Variants in EYS observed in about 807,000 individuals in gnomAD.
EYS encodes the protein EGF-like photoreceptor maintenance factor, also known as protein eyes shut homolog.
A neutral mutation model predicts 282.1 loss-of-function variants in EYS; 250 were observed. That is an observed-to-expected ratio of 0.89 (90% CI 0.80 to 0.98). EYS has a LOEUF of 0.98. Ranked by LOEUF, EYS falls within the 50% of genes least tolerant of loss-of-function variation. The pLI, the probability that EYS is intolerant of heterozygous loss-of-function variation, is 0.00. For synonymous variants in EYS, 1,355 were observed against 1,282.9 expected, an observed-to-expected ratio of 1.06 and a Z score of -1.20; for missense variants, 4,016 against 3,709.0, an observed-to-expected ratio of 1.08 and a Z score of -2.15.
chr6:64,252,256 T>C (rs571557811), intron 30 of EYS, among the ~76,000 whole-genome samples: 15 of 152,236 alleles, frequency 9.9e-5, no homozygotes, highest in South Asian at 2.1e-4. Flanking sequence ...TCCTCTTTCA[T>C]TGATGCCTTC....
intron 22 of EYS, among the ~76,000 whole-genome samples, chr6:64,764,257 G>C (rs1269592817): frequency 6.6e-6 from 1 of 152,196 alleles, no homozygotes; most frequent in African/African-American, 2.4e-5. Context: ...TAGAAATCCA[G>C]GCATTTCCAA....
chr6:65,139,659 C>G (rs1764277390), intron 12 of EYS, among the ~76,000 whole-genome samples: 1 of 152,050 alleles, frequency 6.6e-6, no homozygotes, highest in Non-Finnish European at 1.5e-5. Flanking sequence ...GACTTCTACC[C>G]ATGCCCATTG....
chr6:65,625,584 A>G (rs1421603451), intron 2 of EYS, among the ~76,000 whole-genome samples: 1 of 152,228 alleles, frequency 6.6e-6, no homozygotes, highest in Non-Finnish European at 1.5e-5. Flanking sequence ...TATTTTAGGC[A>G]AAGAGAGGTT....
chr6:64,690,709 C>G (rs1191591620), intron 22 of EYS, among the ~76,000 whole-genome samples: 1 of 152,100 alleles, frequency 6.6e-6, no homozygotes, highest in Non-Finnish European at 1.5e-5. Context: ...ATCCATCATT[C>G]TGAGCATACT....
chr6:63,931,137 C>CCTATTGG (rs1249313433), intron 35 of EYS, among the ~76,000 whole-genome samples: 3 of 152,122 alleles, frequency 2.0e-5, no homozygotes, highest in Admixed American at 2.0e-4. Flanking sequence ...GAAACACTTC[C>CCTATTGG]AATAGAAAAC....
chr6:64,107,296 TA>T (rs1189157679), intron 31 of EYS, among the ~76,000 whole-genome samples: 1 of 124,736 alleles, frequency 8.0e-6, no homozygotes, highest in South Asian at 2.4e-4. Flanking sequence ...TATATATATA[TA>T]TATATATATA....
chr6:63,950,107 G>A (rs990091843), intron 35 of EYS, among the ~76,000 whole-genome samples: 18 of 151,898 alleles, frequency 1.2e-4, no homozygotes, highest in African/African-American at 4.4e-4. Flanking sequence ...GGGAGGTGGA[G>A]GTTGCAGTGA....
At chr6:64,423,509 G>T (rs1463259061) in intron 28 of EYS, among the ~76,000 whole-genome samples, 1 of 152,166 alleles carries the variant, frequency 6.6e-6, no homozygotes, top group Non-Finnish European at 1.5e-5. Context: ...GCCTCTTGAG[G>T]TGATACAATA....
chr6:64,976,764 G>T (rs868645062), intron 14 of EYS, among the ~76,000 whole-genome samples: 2 of 151,788 alleles, frequency 1.3e-5, no homozygotes, highest in South Asian at 4.1e-4. Context: ...AGACAAAAGA[G>T]AACTATGTTT....
chr6:65,506,460 C>CTTTTT lies in EYS; in HGVS notation c.-332-10472_-332-10468dup, dbSNP rs58326040. Among the ~76,000 whole-genome samples, 603 of 64,876 alleles carry CTTTTT rather than the reference C, an allele frequency of 9.3e-3. 50 individuals carry two copies. Among genetic ancestry groups the CTTTTT allele is most frequent in the Middle Eastern group, 0.043 (2 of 46 alleles). 42.6% of individuals were successfully genotyped at this position (64,876 alleles called of 152,430 possible). A position where few individuals can be genotyped will look rare whatever the true frequency, so the allele number is the denominator to read the frequency against. The stretch of plus-strand genomic sequence containing the variant: ...GGTTTACAATATCCTTCCTTCCTTT[C>CTTTTT]TTTTTTTTTTTTTTTTTTTTTTTTT... On this transcript the variant is annotated intron_variant, in intron 2 of 42. Coordinates refer to ENST00000503581, the MANE Select transcript of EYS (RefSeq NM_001142800.2).
chr6:63,847,218 T>A (rs1035011603), intron 36 of EYS, among the ~76,000 whole-genome samples: 3 of 152,254 alleles, frequency 2.0e-5, no homozygotes, highest in Admixed American at 6.5e-5. Context: ...TGGACTTATA[T>A]TTTGTTTTTC....
intron 26 of EYS, among the ~76,000 whole-genome samples, chr6:64,489,734 T>A (rs1582814575): frequency 6.6e-6 from 1 of 150,698 alleles, no homozygotes; most frequent in Non-Finnish European, 1.5e-5. Flanking sequence ...CTGATTTTTT[T>A]AAAATAACGT....
At chr6:65,175,347 A>C (rs951155902) in intron 12 of EYS, among the ~76,000 whole-genome samples, 1 of 151,398 alleles carries the variant, frequency 6.6e-6, no homozygotes, top group Non-Finnish European at 1.5e-5. Context: ...AAACTTTTAG[A>C]TACTATACCA....
intron 26 of EYS, among the ~76,000 whole-genome samples, chr6:64,443,705 ATC>A (rs1157545971): frequency 1.3e-5 from 2 of 152,130 alleles, no homozygotes; most frequent in Non-Finnish European, 2.9e-5. Flanking sequence ...GCCTGCTGCC[ATC>A]TCTCTTTTTC....
intron 22 of EYS, among the ~76,000 whole-genome samples, chr6:64,780,736 T>C (rs1411242499): frequency 2.0e-5 from 3 of 152,174 alleles, no homozygotes; most frequent in African/African-American, 7.2e-5. Flanking sequence ...TGGAATCCTG[T>C]GACCCAAGTG....
In EYS at chr6:64,591,865, T is replaced by C. The variant is rs1459942349; in HGVS notation, c.4002A>G (p.Ser1334=). The change falls in exon 26 of 43, where the codon TCA becomes TCG. Residue 1334 remains serine, a synonymous_variant. Coordinates refer to ENST00000503581, the MANE Select transcript of EYS (RefSeq NM_001142800.2). ...LQELIVTREL[S]AKHSLLSSAD... is the part of the protein sequence containing the mutation. Reference sequence around the variant, plus strand: ...CGGAAGAAAGAAGACTGTGTTTTGCTGAAAGCTCTCTAGTGACAATCAGTT... The same window carrying C: ...CGGAAGAAAGAAGACTGTGTTTTGCCGAAAGCTCTCTAGTGACAATCAGTT... 2.6e-6 allele frequency: 4 copies of C among 1,551,262 alleles called. No individual in the cohort carries two copies. Among genetic ancestry groups the C allele is most frequent in the Admixed American group, 2.0e-5 (1 of 50,974 alleles).
At chr6:63,963,208 G>A (rs1244386547) in intron 35 of EYS, among the ~76,000 whole-genome samples, 1 of 151,654 alleles carries the variant, frequency 6.6e-6, no homozygotes, top group Admixed American at 6.6e-5. Flanking sequence ...CACCAACATG[G>A]CATATGTATA....
chr6:64,999,613 A>G (rs1050121796), intron 13 of EYS, among the ~76,000 whole-genome samples: 1 of 152,146 alleles, frequency 6.6e-6, no homozygotes, highest in South Asian at 2.1e-4. Flanking sequence ...GTGTGCCTAT[A>G]AAAACCCCGG....
intron 40 of EYS, among the ~76,000 whole-genome samples, chr6:63,767,355 T>C (rs116590752): frequency 0.012 from 1,836 of 152,196 alleles, 31 homozygotes; most frequent in African/African-American, 0.042. Context: ...CAAAAGGCTC[T>C]TAGAACTCAT....
Sources: allele counts gnomAD v4.1 joint callset (sites outside exome capture counted in the v4.1 genomes callset), GRCh38; gene constraint gnomAD v4.1.1; transcripts MANE v1.5; gene names NCBI Gene and HGNC (gene_info 2026-07-23, HGNC 2026-07-21).